Variants in EXT1 observed in about 807,000 individuals in gnomAD.
EXT1 encodes the protein exostosin glycosyltransferase 1, also known as exostosin-1.
Under a neutral mutation model 82.5 loss-of-function variants are expected in EXT1, and 20 were observed. That is an observed-to-expected ratio of 0.24 (90% CI 0.17 to 0.35). The LOEUF (loss-of-function observed/expected upper bound fraction) is 0.35, where lower values mean the gene tolerates loss of function less well. Among genes scored for constraint, EXT1 ranks in the 10% least tolerant of loss-of-function variants. EXT1 has a pLI of 1.00. For synonymous variants in EXT1, 348 were observed against 350.8 expected, an observed-to-expected ratio of 0.99 and a Z score of 0.09; for missense variants, 757 against 936.5, an observed-to-expected ratio of 0.81 and a Z score of 2.50.
At chr8:117,897,745 C>A (rs562830442) in intron 1 of EXT1, among the ~76,000 whole-genome samples, 1 of 152,030 alleles carries the variant, frequency 6.6e-6, no homozygotes, top group South Asian at 2.1e-4. Context: ...CAGGCGCGTA[C>A]AACCACGCCC....
intron 1 of EXT1, among the ~76,000 whole-genome samples, chr8:117,898,340 C>G (rs1813380477): frequency 6.6e-6 from 1 of 152,174 alleles, no homozygotes; most frequent in South Asian, 2.1e-4. Flanking sequence ...GGCACACTGT[C>G]CCAGGCAAGG....
intron 1 of EXT1, among the ~76,000 whole-genome samples, chr8:117,967,957 T>G (rs1220221216): frequency 6.6e-6 from 1 of 152,234 alleles, no homozygotes; most frequent in Non-Finnish European, 1.5e-5. Flanking sequence ...TGAATAGATT[T>G]TAGCTGCTCT....
intron 1 of EXT1, among the ~76,000 whole-genome samples, chr8:117,931,016 T>C (rs1391796847): frequency 6.6e-6 from 1 of 152,232 alleles, no homozygotes; most frequent in Non-Finnish European, 1.5e-5. Context: ...TTATCTTATA[T>C]GGCCTAAAAA....
At chr8:118,042,774 C>T (rs1816556263) in intron 1 of EXT1, among the ~76,000 whole-genome samples, 1 of 152,190 alleles carries the variant, frequency 6.6e-6, no homozygotes, top group African/African-American at 2.4e-5. Context: ...TCCTGAACTC[C>T]AAGATGGACA....
intron 1 of EXT1, among the ~76,000 whole-genome samples, chr8:118,001,255 T>C (rs897166126): frequency 7.9e-5 from 12 of 152,170 alleles, no homozygotes; most frequent in African/African-American, 2.9e-4. Context: ...GAGGTGATCT[T>C]GGCTCATTGC....
chr8:118,016,811 G>A (rs957457841), intron 1 of EXT1, among the ~76,000 whole-genome samples: 5 of 152,150 alleles, frequency 3.3e-5, no homozygotes, highest in African/African-American at 7.2e-5. Flanking sequence ...ACTCACTGCC[G>A]GCAGACAACA....
At chr8:117,875,420 CTAAATAAATAAA>C (rs67268592) in intron 1 of EXT1, among the ~76,000 whole-genome samples, 3,960 of 139,268 alleles carry the variant, frequency 0.028, 82 homozygotes, top group East Asian at 0.094. Flanking sequence ...AACTACCTCT[CTAAATAAATAAA>C]TAAATAAATA....
At chr8:117,940,571 C>G (rs540816989) in intron 1 of EXT1, among the ~76,000 whole-genome samples, 1 of 152,154 alleles carries the variant, frequency 6.6e-6, no homozygotes, top group South Asian at 2.1e-4. Flanking sequence ...AATTAAAACA[C>G]GCTGCACCCT....
At chr8:117,849,004 C>T (rs1019665841) in intron 1 of EXT1, among the ~76,000 whole-genome samples, 2 of 152,328 alleles carry the variant, frequency 1.3e-5, no homozygotes, top group African/African-American at 4.8e-5. Flanking sequence ...TCTCTGACTG[C>T]CCCATCCTCA....
At chr8:117,897,580 G>A (rs960894407) in intron 1 of EXT1, among the ~76,000 whole-genome samples, 2 of 133,558 alleles carry the variant, frequency 1.5e-5, no homozygotes. Flanking sequence ...CCATTGCCGG[G>A]CTTCTTTTCT....
intron 1 of EXT1, among the ~76,000 whole-genome samples, chr8:117,840,321 A>G (rs1319311001): frequency 6.6e-6 from 1 of 152,116 alleles, no homozygotes; most frequent in Non-Finnish European, 1.5e-5. Context: ...AGCCTACAGA[A>G]AGAGAGAACC....
At chr8:118,083,881 T>C (rs1165347784) in intron 1 of EXT1, among the ~76,000 whole-genome samples, 2 of 152,042 alleles carry the variant, frequency 1.3e-5, no homozygotes, top group South Asian at 2.1e-4. Flanking sequence ...TATAAAAAAT[T>C]AGCCAGGTGT....
chr8:118,050,592 A>T (rs1354287451), intron 1 of EXT1, among the ~76,000 whole-genome samples: 2 of 152,232 alleles, frequency 1.3e-5, no homozygotes, highest in Non-Finnish European at 2.9e-5. Flanking sequence ...CAATTCTGCC[A>T]TTGTAGCAGG....
At chr8:117,946,856 T>A (rs184554443) in intron 1 of EXT1, among the ~76,000 whole-genome samples, 11 of 152,218 alleles carry the variant, frequency 7.2e-5, no homozygotes, top group Non-Finnish European at 1.0e-4. Context: ...TGAAACAGAA[T>A]TGACTTCTGG....
At chr8:117,896,769 C>T (rs761070397) in intron 1 of EXT1, among the ~76,000 whole-genome samples, 6 of 152,166 alleles carry the variant, frequency 3.9e-5, no homozygotes, top group Admixed American at 6.5e-5. Context: ...GGCTTTAGCA[C>T]AATATTCCTT....
intron 1 of EXT1, among the ~76,000 whole-genome samples, chr8:117,872,213 C>T (rs1036088136): frequency 6.6e-6 from 1 of 152,032 alleles, no homozygotes; most frequent in African/African-American, 2.4e-5. Context: ...ACATATTTCA[C>T]TTAGTCTGTT....
intron 1 of EXT1, among the ~76,000 whole-genome samples, chr8:117,965,307 T>C (rs908412774): frequency 1.3e-5 from 2 of 152,158 alleles, no homozygotes; most frequent in African/African-American, 4.8e-5. Flanking sequence ...TCAGCAGCAA[T>C]AGAATATTAA....
At chr8:118,087,008 C>T (rs955535766) in intron 1 of EXT1, among the ~76,000 whole-genome samples, 8 of 152,180 alleles carry the variant, frequency 5.3e-5, no homozygotes, top group Admixed American at 3.9e-4. Flanking sequence ...TGAAATACTG[C>T]GCTGCATGAT....
rs145546131 is a variant in EXT1 at position 118,021,416 on chromosome 8, G to A, written c.962+88669C>T. Among the ~76,000 whole-genome samples, 372 of 152,236 alleles carry A rather than the reference G, an allele frequency of 2.4e-3. 3 individuals are homozygous for A. Among genetic ancestry groups the A allele is most frequent in the Middle Eastern group, 0.01 (3 of 294 alleles). ...AATCTCTCTTTTGGGCTAAACATTT[G>A]GCTAATAATTGTCAGGGAGGTTTTG... On this transcript the variant is annotated intron_variant, in intron 1 of 10. Coordinates refer to ENST00000378204, the MANE Select transcript of EXT1 (RefSeq NM_000127.3).
Sources: gnomAD v4.1 joint callset for allele counts (sites outside exome capture counted in the v4.1 genomes callset) on GRCh38, gnomAD v4.1.1 for gene constraint, MANE v1.5 for transcripts, NCBI Gene and HGNC (gene_info 2026-07-23, HGNC 2026-07-21) for gene names.